The following SEMA5A variants were observed in gnomAD, a reference collection of about 807,000 sequenced individuals.
SEMA5A encodes the protein semaphorin 5A.
SEMA5A carries 55 observed loss-of-function variants against 135.5 expected under a neutral mutation model. The ratio of observed to expected loss-of-function variants is 0.41; its 90% CI spans 0.33 to 0.51. The LOEUF (loss-of-function observed/expected upper bound fraction) is 0.51. SEMA5A is among the 20% of genes least tolerant of loss of function. The pLI is 0.37. For missense variants in SEMA5A, 1,290 were observed against 1,419.9 expected, an observed-to-expected ratio of 0.91 and a Z score of 1.47; for synonymous variants, 580 against 546.5, an observed-to-expected ratio of 1.06 and a Z score of -0.85.
intron 12 of SEMA5A, among the ~76,000 whole-genome samples, chr5:9,150,529 A>T (rs1742577801): frequency 6.6e-6 from 1 of 152,158 alleles, no homozygotes; most frequent in African/African-American, 2.4e-5. Flanking sequence ...TTGAGGTCAA[A>T]CTTGACGGAA....
chr5:9,425,569 C>T (rs1321844846), intron 2 of SEMA5A, among the ~76,000 whole-genome samples: 2 of 152,188 alleles, frequency 1.3e-5, no homozygotes, highest in African/African-American at 2.4e-5. Context: ...GTTTCAGGGA[C>T]ACCATTTGTT....
rs555658327 is a variant in SEMA5A at position 9,446,428 on chromosome 5, C to T, written c.-174-8576G>A. Reference sequence around the variant, plus strand: ...TCTGTTATGCGCTCTCTAAGGACACCAGGGCCTCAGAATAGTGAATACTTT... The same window carrying T: ...TCTGTTATGCGCTCTCTAAGGACACTAGGGCCTCAGAATAGTGAATACTTT... On this transcript the variant is annotated intron_variant, in intron 1 of 22. Coordinates refer to ENST00000382496, the MANE Select transcript of SEMA5A (RefSeq NM_003966.3). Among the ~76,000 whole-genome samples, 4 of 152,232 alleles carry T rather than the reference C, an allele frequency of 2.6e-5. No individual in the cohort carries two copies. In the East Asian group the frequency reaches 7.7e-4, roughly 29 times the overall value.
At chr5:9,463,158 A>T (rs540105987) in intron 1 of SEMA5A, among the ~76,000 whole-genome samples, 1 of 152,308 alleles carries the variant, frequency 6.6e-6, no homozygotes, top group South Asian at 2.1e-4. Context: ...GTTGAGCAAG[A>T]AAGTCTTATT....
intron 1 of SEMA5A, among the ~76,000 whole-genome samples, chr5:9,543,476 G>A (rs1049343707): frequency 2.6e-5 from 4 of 152,072 alleles, no homozygotes; most frequent in South Asian, 4.2e-4. Flanking sequence ...ATTTCCTCTG[G>A]ACAGAGACAA....
chr5:9,038,234 T>C lies in SEMA5A; in HGVS notation c.*4663A>G, dbSNP rs745606330. 1 of 152,176 alleles carries C rather than the reference T, an allele frequency of 6.6e-6. No homozygotes were observed. Among genetic ancestry groups the C allele is most frequent in the East Asian group, 1.9e-4 (1 of 5,194 alleles). The allele number at this position is 152,176 out of a possible 1,614,324, so 9.4% of individuals were successfully genotyped here. On this transcript the variant is annotated 3_prime_UTR_variant, in exon 23 of 23. Transcript: ENST00000382496. Reference sequence around the variant, plus strand: ...ATAGTTAAGGTTATTAGTACCGTCATAGAAATTGATTATTGGAGGTGTGGG... The same window carrying C: ...ATAGTTAAGGTTATTAGTACCGTCACAGAAATTGATTATTGGAGGTGTGGG...
rs576903957 is a variant in SEMA5A at position 9,187,526 on chromosome 5, C to T, written c.1273+2741G>A. 2.6e-5 allele frequency among the ~76,000 whole-genome samples: 4 copies of T among 152,220 alleles called. No homozygotes were observed. In the South Asian group the frequency reaches 8.3e-4, roughly 32 times the overall value. ...TATGGCTGTTTTCTGCTGGAAAGTA[C>T]CTTCACCCACTACAAAGTTCTCCTC... On this transcript the variant is annotated intron_variant, in intron 11 of 22. Transcript: ENST00000382496.
intron 1 of SEMA5A, among the ~76,000 whole-genome samples, chr5:9,514,259 A>G (rs1736381741): frequency 6.6e-6 from 1 of 152,152 alleles, no homozygotes; most frequent in South Asian, 2.1e-4. Context: ...TAAGACCCAC[A>G]TGGACAATGC....
intron 5 of SEMA5A, among the ~76,000 whole-genome samples, chr5:9,250,313 C>T (rs1748707145): frequency 6.6e-6 from 1 of 152,132 alleles, no homozygotes; most frequent in Non-Finnish European, 1.5e-5. Context: ...TCTGCCTAAT[C>T]TACAGTATGA....
At chr5:9,515,436 G>A (rs1025213761) in intron 1 of SEMA5A, among the ~76,000 whole-genome samples, 22 of 152,172 alleles carry the variant, frequency 1.4e-4, no homozygotes, top group South Asian at 6.2e-4. Context: ...TTAATTTGAC[G>A]TTAAGAAATT....
chr5:9,137,834 C>A (rs1353566823), intron 12 of SEMA5A, among the ~76,000 whole-genome samples: 1 of 152,096 alleles, frequency 6.6e-6, no homozygotes, highest in African/African-American at 2.4e-5. Flanking sequence ...ATGTATTAAT[C>A]ATATATAAAG....
In SEMA5A at chr5:9,054,204, C is replaced by T. The variant is rs147899622; in HGVS notation, c.2572G>A (p.Gly858Ser). 3.5e-5 allele frequency: 56 copies of T among 1,613,962 alleles called. No individual in the cohort carries two copies. The highest frequency in any genetic ancestry group is 3.3e-4 in the Middle Eastern group (2 of 6,082). ...SPWTKCSATC[G>S]GGHYMRTRSC... ...CGGGTCCTCATATAGTGTCCACCGC[C>T]GCATGTTGCTGAACATTTTGTCCAG... is the stretch of plus-strand genomic sequence containing the variant. The change falls in exon 19 of 23, where the codon GGC becomes AGC. Residue 858 changes from glycine (G) to serine (S), a missense_variant. Gly to Ser is a moderately conservative substitution (Grantham distance 56, BLOSUM62 0). Transcript: ENST00000382496.
At chr5:9,535,666 A>G (rs1280882919) in intron 1 of SEMA5A, among the ~76,000 whole-genome samples, 1 of 152,082 alleles carries the variant, frequency 6.6e-6, no homozygotes, top group Admixed American at 6.6e-5. Flanking sequence ...CTTGCTCAGC[A>G]CCACCTTTGA....
At chr5:9,050,275 T>TCCATG (rs1736492872) in intron 21 of SEMA5A, 135 bp downstream of exon 21, 4 of 735,790 alleles carry the variant, frequency 5.4e-6, no homozygotes, top group Non-Finnish European at 8.7e-6. Flanking sequence ...CAAGGTAGAA[T>TCCATG]GCCTGGGATC....
chr5:9,133,889 A>C, intron 13 of SEMA5A, among the ~76,000 whole-genome samples: 1 of 150,180 alleles, frequency 6.7e-6, no homozygotes, highest in East Asian at 2.0e-4. Flanking sequence ...TCAAACTGTA[A>C]CCCCCACATG....
chr5:9,296,963 A>C (rs1751366984), intron 5 of SEMA5A, among the ~76,000 whole-genome samples: 1 of 151,128 alleles, frequency 6.6e-6, no homozygotes, highest in Non-Finnish European at 1.5e-5. Context: ...TGGATTACTG[A>C]GTTACTATGG....
intron 3 of SEMA5A, among the ~76,000 whole-genome samples, chr5:9,350,299 C>CA (rs1428100342): frequency 6.6e-6 from 1 of 152,132 alleles, no homozygotes; most frequent in Non-Finnish European, 1.5e-5. Context: ...ACAGGCAGAA[C>CA]TTTTTTCTCG....
At chr5:9,411,203 T>A (rs1372517162) in intron 2 of SEMA5A, among the ~76,000 whole-genome samples, 1 of 152,216 alleles carries the variant, frequency 6.6e-6, no homozygotes, top group Non-Finnish European at 1.5e-5. Context: ...TGTTCTTTGC[T>A]ATGCCACTGG....
intron 1 of SEMA5A, among the ~76,000 whole-genome samples, chr5:9,444,182 A>AT (rs200183282): frequency 0.046 from 6,895 of 150,492 alleles, 202 homozygotes; most frequent in Non-Finnish European, 0.068. Context: ...ATTTTTTTTA[A>AT]TTTTTTTTTT....
intron 5 of SEMA5A, among the ~76,000 whole-genome samples, chr5:9,266,696 T>C (rs930164819): frequency 9.2e-5 from 14 of 152,206 alleles, no homozygotes; most frequent in Non-Finnish European, 1.8e-4. Flanking sequence ...ATTAACTTAT[T>C]TATCCTACAG....
Sources: gnomAD v4.1 joint callset for allele counts (sites outside exome capture counted in the v4.1 genomes callset) on GRCh38, gnomAD v4.1.1 for gene constraint, MANE v1.5 for transcripts, NCBI Gene and HGNC (gene_info 2026-07-23, HGNC 2026-07-21) for gene names.